SEL1L3: variants seen among roughly 807,000 people sequenced by gnomAD.
SEL1L3 encodes the protein protein sel-1 homolog 3.
SEL1L3 carries 76 observed loss-of-function variants against 142.8 expected under a neutral mutation model. That is an observed-to-expected ratio of 0.53 (90% CI 0.44 to 0.64). SEL1L3 has a LOEUF of 0.64. SEL1L3 is among the 30% of genes least tolerant of loss of function. SEL1L3 has a pLI of 0.00. For missense variants in SEL1L3, 1,262 were observed against 1,381.7 expected (o/e 0.91, Z 1.37); for synonymous variants, 504 against 519.6 (o/e 0.97, Z 0.41).
chr4:25,846,746 T>C (rs12510263), intron 2 of SEL1L3, among the ~76,000 whole-genome samples: 31,289 of 151,434 alleles, frequency 0.21, 3,832 homozygotes, highest in South Asian at 0.29. Context: ...CCATCTCTAC[T>C]AAAAATACAA....
chr4:25,749,137 C>T (rs1717426939), intron 23 of SEL1L3, among the ~76,000 whole-genome samples: 1 of 152,102 alleles, frequency 6.6e-6, no homozygotes, highest in African/African-American at 2.4e-5. Context: ...GGGATAGGTA[C>T]AGATGGCAGA....
At chr4:25,857,997 C>T (rs1327745087) in intron 1 of SEL1L3, among the ~76,000 whole-genome samples, 1 of 152,276 alleles carries the variant, frequency 6.6e-6, no homozygotes, top group Non-Finnish European at 1.5e-5. Flanking sequence ...CCTGCCAAGG[C>T]AGAATCCCAT....
intron 6 of SEL1L3, among the ~76,000 whole-genome samples, chr4:25,828,954 A>C (rs1236794222): frequency 6.6e-6 from 1 of 152,086 alleles, no homozygotes; most frequent in African/African-American, 2.4e-5. Flanking sequence ...AAATTGGTTA[A>C]TTTTTATTTC....
At chr4:25,730,070 T>A in the SEL1L3 span, among the ~76,000 whole-genome samples, 3 of 136,392 alleles carry the variant, frequency 2.2e-5, no homozygotes, top group African/African-American at 7.3e-5. Context: ...GTGATTCTCC[T>A]GCCTCAGCAC....
chr4:25,745,135 C>T (rs1717221645), downstream of SEL1L3, among the ~76,000 whole-genome samples: 1 of 152,160 alleles, frequency 6.6e-6, no homozygotes, highest in Admixed American at 6.5e-5. Context: ...TGGCTCAAAC[C>T]TGTAATCCCA....
intron 1 of SEL1L3, among the ~76,000 whole-genome samples, chr4:25,861,081 G>A (rs765735822): frequency 6.6e-5 from 10 of 152,062 alleles, no homozygotes; most frequent in African/African-American, 1.9e-4. Flanking sequence ...GGAACTTTTC[G>A]GCCCGGCCCA....
chr4:25,850,939 C>T (rs1045084069), intron 1 of SEL1L3, among the ~76,000 whole-genome samples: 6 of 151,984 alleles, frequency 3.9e-5, no homozygotes, highest in South Asian at 2.1e-4. Flanking sequence ...CAACCTCTGC[C>T]GCCCAGGTTC....
intron 9 of SEL1L3, among the ~76,000 whole-genome samples, chr4:25,805,732 C>G (rs986708696): frequency 6.6e-6 from 1 of 152,152 alleles, no homozygotes; most frequent in African/African-American, 2.4e-5. Flanking sequence ...ATTCAGCCAA[C>G]GAATGTTTAC....
chr4:25,736,069 T>G, the SEL1L3 span, among the ~76,000 whole-genome samples: 1 of 152,000 alleles, frequency 6.6e-6, no homozygotes, highest in East Asian at 1.9e-4. Flanking sequence ...GACCTCGTGA[T>G]CCACCCGCCT....
intron 2 of SEL1L3, among the ~76,000 whole-genome samples, chr4:25,841,031 CCTT>C (rs1207714870): frequency 1.1e-4 from 16 of 147,908 alleles, no homozygotes; most frequent in African/African-American, 3.7e-4. Flanking sequence ...TTTTTTTTTT[CCTT>C]CTTCTTCTCT....
At chr4:25,810,873 G>A (rs184090376) in intron 9 of SEL1L3, among the ~76,000 whole-genome samples, 115 of 152,356 alleles carry the variant, frequency 7.5e-4, no homozygotes, top group South Asian at 3.1e-3. Flanking sequence ...TGGGCACCCC[G>A]AGTAGCCCCG....
rs1375035987 is a variant in SEL1L3, at chr4:25,862,682, C to T, written c.155G>A (p.Cys52Tyr). The change falls in exon 1 of 24, where the codon TGC becomes TAC. Residue 52 changes from cysteine (C) to tyrosine (Y), a missense_variant. By Grantham distance (194) the Cys-to-Tyr change is radical. This residue lies in a region of SEL1L3 where 689 missense variants were observed against 692.8 expected (regional missense o/e 0.99). Transcript: ENST00000399878. The part of the protein sequence containing the change: ...GRSACALLLL[C>Y]YLNVVPSLGR... ...GCAGGGTCCGGCGCTCACCAGGTAG[C>T]AGAGCAGGAGCAGCGCGCAGGCAGA... 3.1e-6 allele frequency: 4 copies of T among 1,297,870 alleles called. No homozygotes were observed. Among genetic ancestry groups the T allele is most frequent in the Admixed American group, 3.4e-5 (1 of 28,986 alleles). 80.4% of individuals were successfully genotyped at this position (1,297,870 alleles called of 1,614,324 possible). A position where few individuals can be genotyped will look rare whatever the true frequency, so the allele number is the denominator to read the frequency against.
At chr4:25,717,780 G>A in the SEL1L3 span, among the ~76,000 whole-genome samples, 1 of 152,226 alleles carries the variant, frequency 6.6e-6, no homozygotes, top group African/African-American at 2.4e-5. Context: ...CCCTGGGCAA[G>A]TCACGTAATC....
intron 7 of SEL1L3, among the ~76,000 whole-genome samples, chr4:25,821,445 C>T (rs1429692905): frequency 3.3e-5 from 5 of 152,198 alleles, no homozygotes; most frequent in Non-Finnish European, 1.5e-5. Context: ...TGGCTGGAAG[C>T]GTTGGACAGT....
chr4:25,782,297 T>G lies in SEL1L3; in HGVS notation c.2402A>C (p.Asn801Thr). 6.2e-7 allele frequency: 1 copy of G among 1,613,884 alleles called. No individual in the cohort carries two copies. Among genetic ancestry groups the G allele is most frequent in the Non-Finnish European group, 8.5e-7 (1 of 1,179,812 alleles). ...GCCATCCAAATGCAGGACTCCAAGA[T>G]TGTATGACGCATCTGGGTTCCCCAT... ...EEMGNPDASY[N>T]LGVLHLDGIF... Residue 801 changes from asparagine to threonine, a missense_variant, in exon 15 of 24, where the codon AAT becomes ACT. Transcript: ENST00000399878.
chr4:25,806,633 G>A (rs534689451), intron 9 of SEL1L3, among the ~76,000 whole-genome samples: 24 of 152,252 alleles, frequency 1.6e-4, no homozygotes, highest in African/African-American at 4.6e-4. Context: ...CAGACCCTGA[G>A]CTGTGGGGAA....
the SEL1L3 span, among the ~76,000 whole-genome samples, chr4:25,726,228 T>TAA: frequency 3.4e-5 from 5 of 146,350 alleles, no homozygotes; most frequent in Admixed American, 6.9e-5. Flanking sequence ...CATCTTGGGT[T>TAA]AAAAAAAAAA....
chr4:25,768,460 G>A lies in SEL1L3; in HGVS notation c.2670-630C>T, dbSNP rs141699849. Among the ~76,000 whole-genome samples the A allele has an allele frequency of 2.0e-4, 30 of 152,294 alleles. No individual in the cohort carries two copies. In the East Asian group the frequency reaches 5.8e-3, roughly 29 times the overall value. On this transcript the variant is annotated intron_variant, in intron 17 of 23. Coordinates refer to ENST00000399878, the MANE Select transcript of SEL1L3 (RefSeq NM_015187.5). The stretch of plus-strand genomic sequence containing the variant: ...AATAATGGCAAAAGCTTGGGGGAAT[G>A]GACATACTCTACAACTACTGCCAGC...
Position 25,820,071 on chromosome 4 carries a change from T to C in SEL1L3, c.1291-131A>G, listed in dbSNP as rs949944531. 9 of 781,978 alleles carry C rather than the reference T, an allele frequency of 1.2e-5. No homozygotes were observed. In the South Asian group the frequency reaches 1.5e-4, roughly 13 times the overall value. 48.4% of individuals were successfully genotyped at this position (781,978 alleles called of 1,614,324 possible). A position where few individuals can be genotyped will look rare whatever the true frequency, so the allele number is the denominator to read the frequency against. On this transcript the variant is annotated intron_variant, in intron 7 of 23. Coordinates refer to ENST00000399878, the MANE Select transcript of SEL1L3 (RefSeq NM_015187.5). Reference sequence around the variant, plus strand: ...AGGTGGCTCGTTTGTACACATATCATCCACTCTGGATTTGCAAAGCAAGGT... The same window carrying C: ...AGGTGGCTCGTTTGTACACATATCACCCACTCTGGATTTGCAAAGCAAGGT...
Sources: gnomAD v4.1 joint callset for allele counts (sites outside exome capture counted in the v4.1 genomes callset) on GRCh38, gnomAD v4.1.1 for gene constraint, gnomAD v4.1.1 regional missense constraint, MANE v1.5 for transcripts, NCBI Gene and HGNC (gene_info 2026-07-23, HGNC 2026-07-21) for gene names.